SLC44A1: variants seen among roughly 807,000 people sequenced by gnomAD.
The protein encoded by SLC44A1 is choline transporter-like protein 1.
A neutral mutation model predicts 79.3 loss-of-function variants in SLC44A1; 26 were observed. The ratio of observed to expected loss-of-function variants is 0.33; its 90% CI spans 0.24 to 0.46. The LOEUF is 0.46. Among genes scored for constraint, SLC44A1 ranks in the 20% least tolerant of loss-of-function variants. SLC44A1 has a pLI of 1.00. For missense variants in SLC44A1, 688 were observed against 798.1 expected, an observed-to-expected ratio of 0.86 and a Z score of 1.66; for synonymous variants, 263 against 286.2, an observed-to-expected ratio of 0.92 and a Z score of 0.82.
chr9:105,251,914 A>G (rs542957084), intron 1 of SLC44A1, among the ~76,000 whole-genome samples: 30 of 152,150 alleles, frequency 2.0e-4, no homozygotes, highest in Non-Finnish European at 4.4e-4. Context: ...TACAGTTAAT[A>G]TTAATGTCTA....
chr9:105,266,487 G>C (rs980125515), intron 1 of SLC44A1, among the ~76,000 whole-genome samples: 2 of 152,090 alleles, frequency 1.3e-5, no homozygotes, highest in Non-Finnish European at 2.9e-5. Flanking sequence ...TTTATATAAG[G>C]TTTGAGGTAC....
At position 105,391,744 on chromosome 9, in the gene SLC44A1, C is replaced by T; in HGVS notation, c.*2688C>T. ...ATTCGCTCACTGCTTCCATCTTCTG[C>T]CCAAGTGAGAAGAATAGATGAAGAA... is the stretch of plus-strand genomic sequence containing the variant. On this transcript the variant is annotated 3_prime_UTR_variant, in exon 16 of 16. Coordinates refer to ENST00000374720, the MANE Select transcript of SLC44A1 (RefSeq NM_080546.5). 1 of 985,154 alleles carries T rather than the reference C, an allele frequency of 1.0e-6. No individual in the cohort carries two copies. Among genetic ancestry groups the T allele is most frequent in the Non-Finnish European group, 1.2e-6 (1 of 829,858 alleles). 61.0% of individuals were successfully genotyped at this position (985,154 alleles called of 1,614,324 possible).
At chr9:105,350,747 A>G (rs1334950326) in intron 5 of SLC44A1, among the ~76,000 whole-genome samples, 1 of 152,222 alleles carries the variant, frequency 6.6e-6, no homozygotes, top group East Asian at 1.9e-4. Context: ...ATTTGTAAGA[A>G]TTAAACAAGA....
At chr9:105,287,084 G>T (rs1225015623) in intron 1 of SLC44A1, among the ~76,000 whole-genome samples, 2 of 152,330 alleles carry the variant, frequency 1.3e-5, no homozygotes, top group East Asian at 3.9e-4. Flanking sequence ...AATCTCTTAA[G>T]CTCCAAGCAC....
chr9:105,306,212 T>G (rs1402741902), intron 2 of SLC44A1, among the ~76,000 whole-genome samples: 1 of 152,216 alleles, frequency 6.6e-6, no homozygotes, highest in Non-Finnish European at 1.5e-5. Flanking sequence ...TCCTACTCCA[T>G]GCTTATGAAA....
intron 15 of SLC44A1, 39 bp downstream of exon 15, chr9:105,385,541 T>C: frequency 6.4e-7 from 1 of 1,552,386 alleles, no homozygotes; most frequent in Non-Finnish European, 8.7e-7. Flanking sequence ...TCCAAGAATT[T>C]CACTTTCACT....
At chr9:105,404,287 A>G (rs997870582) in intron 15 of SLC44A1, among the ~76,000 whole-genome samples, 12 of 151,722 alleles carry the variant, frequency 7.9e-5, no homozygotes, top group African/African-American at 2.7e-4. Context: ...TTTAAAAGCT[A>G]ATGGAGGGAT....
chr9:105,352,295 A>C (rs1388107392), intron 5 of SLC44A1, among the ~76,000 whole-genome samples: 2 of 152,166 alleles, frequency 1.3e-5, no homozygotes, highest in African/African-American at 4.8e-5. Flanking sequence ...TTATAACCTG[A>C]GGTTCTAGAG....
At chr9:105,353,970 A>G (rs1346386148) in intron 5 of SLC44A1, among the ~76,000 whole-genome samples, 1 of 151,118 alleles carries the variant, frequency 6.6e-6, no homozygotes, top group African/African-American at 2.4e-5. Context: ...CTTCATCATG[A>G]CAAAGTTGTC....
Position 105,385,514 on chromosome 9 carries a change from TGAG to T in SLC44A1, c.1950+17_1950+19del. The stretch of plus-strand genomic sequence containing the variant: ...AGCTAAAGCCGATGGTAGGTGGAGA[TGAG>T]GAGGTGGCCGCCCTCCAAGAATTTC... On this transcript the variant is annotated intron_variant, in intron 15 of 15. Coordinates refer to ENST00000374720, the MANE Select transcript of SLC44A1 (RefSeq NM_080546.5). 3 of 1,565,730 alleles carry T rather than the reference TGAG, an allele frequency of 1.9e-6. No homozygotes were observed. The highest frequency in any genetic ancestry group is 2.6e-6 in the Non-Finnish European group (3 of 1,154,244).
rs572537655 is a variant in SLC44A1, at chr9:105,408,093, G to C, written c.1950+22591G>C. On this transcript the variant is annotated intron_variant, in intron 15 of 15. Transcript: ENST00000374724. Reference sequence around the variant, plus strand: ...TGCTTGAACCTGGGAGGCGGAGGCTGCTGTGAGCCGAGATCTCGCCACTGC... The same window carrying C: ...TGCTTGAACCTGGGAGGCGGAGGCTCCTGTGAGCCGAGATCTCGCCACTGC... Among the ~76,000 whole-genome samples the C allele has an allele frequency of 2.2e-3, 332 of 149,586 alleles. 3 individuals are homozygous for C. Among genetic ancestry groups the C allele is most frequent in the African/African-American group, 7.9e-3 (321 of 40,610 alleles).
intron 13 of SLC44A1, among the ~76,000 whole-genome samples, chr9:105,375,862 A>C (rs1828263439): frequency 6.6e-6 from 1 of 152,166 alleles, no homozygotes; most frequent in South Asian, 2.1e-4. Flanking sequence ...TACTACCACC[A>C]CTATAACTAA....
At chr9:105,291,402 C>T (rs59370172) in intron 1 of SLC44A1, among the ~76,000 whole-genome samples, 2,586 of 152,248 alleles carry the variant, frequency 0.017, 65 homozygotes, top group African/African-American at 0.058. Context: ...GTCTACGCAG[C>T]GGTGACCTTG....
At chr9:105,266,871 A>G (rs190175013) in intron 1 of SLC44A1, among the ~76,000 whole-genome samples, 8 of 152,364 alleles carry the variant, frequency 5.3e-5, no homozygotes, top group African/African-American at 1.9e-4. Context: ...TTTGGCTTGC[A>G]TTGAAATGCA....
At chr9:105,385,568 C>G in intron 15 of SLC44A1, 66 bp downstream of exon 15, 2 of 1,543,998 alleles carry the variant, frequency 1.3e-6, no homozygotes, top group Non-Finnish European at 1.7e-6. Context: ...CTCTCTCTGT[C>G]TTCACTGACT....
chr9:105,377,349 T>C (rs1178120911), intron 13 of SLC44A1, among the ~76,000 whole-genome samples: 1 of 152,178 alleles, frequency 6.6e-6, no homozygotes, highest in Non-Finnish European at 1.5e-5. Context: ...ATGTTAACAA[T>C]GATTGCTTTT....
intron 1 of SLC44A1, among the ~76,000 whole-genome samples, chr9:105,285,686 G>A (rs1830457631): frequency 6.6e-6 from 1 of 152,172 alleles, no homozygotes; most frequent in African/African-American, 2.4e-5. Context: ...ATTCTCAAGG[G>A]TGGGGAGAAT....
chr9:105,305,861 T>C (rs1831016613), intron 2 of SLC44A1, among the ~76,000 whole-genome samples: 3 of 150,250 alleles, frequency 2.0e-5, no homozygotes, highest in Admixed American at 6.6e-5. Context: ...TTTTTTTTTT[T>C]TTTTTTACTA....
At chr9:105,282,835 T>C (rs1168701417) in intron 1 of SLC44A1, among the ~76,000 whole-genome samples, 1 of 152,188 alleles carries the variant, frequency 6.6e-6, no homozygotes, top group Admixed American at 6.5e-5. Context: ...CGTGAGCCAC[T>C]GCGCCTGGCA....
Sources: allele counts gnomAD v4.1 joint callset (sites outside exome capture counted in the v4.1 genomes callset), GRCh38; gene constraint gnomAD v4.1.1; transcripts MANE v1.5; gene names NCBI Gene and HGNC (gene_info 2026-07-23, HGNC 2026-07-21).